The following KCNIP3 variants were observed in gnomAD, a reference collection of about 807,000 sequenced individuals.
The protein encoded by KCNIP3 is potassium voltage-gated channel interacting protein 3, also known as calsenilin.
Under a neutral mutation model 35.0 loss-of-function variants are expected in KCNIP3, and 28 were observed. The ratio of observed to expected loss-of-function variants is 0.80; its 90% CI spans 0.59 to 1.10. The LOEUF (loss-of-function observed/expected upper bound fraction) is 1.10. Among genes scored for constraint, KCNIP3 ranks in the 50% least tolerant of loss-of-function variants. KCNIP3 has a pLI of 0.00. For synonymous variants in KCNIP3, 134 were observed against 133.8 expected, an observed-to-expected ratio of 1.00 and a Z score of -0.01; for missense variants, 295 against 338.4, an observed-to-expected ratio of 0.87 and a Z score of 1.01.
At chr2:95,318,017 G>A (rs559406581) in intron 2 of KCNIP3, among the ~76,000 whole-genome samples, 3 of 151,904 alleles carry the variant, frequency 2.0e-5, no homozygotes, top group South Asian at 2.1e-4. Context: ...GCTTTGGGCC[G>A]GGTCAAGGAT....
intron 1 of KCNIP3, among the ~76,000 whole-genome samples, chr2:95,304,431 G>A (rs934375701): frequency 4.6e-5 from 7 of 152,312 alleles, no homozygotes; most frequent in Admixed American, 3.9e-4. Context: ...CCTTTGTAAA[G>A]AGAATGGCAG....
chr2:95,375,616 C>T (rs900182284), intron 5 of KCNIP3, among the ~76,000 whole-genome samples: 1 of 152,146 alleles, frequency 6.6e-6, no homozygotes, highest in African/African-American at 2.4e-5. Flanking sequence ...AGAAAATAGG[C>T]CAAAAATATC....
At chr2:95,336,261 G>A (rs1679057356) in intron 2 of KCNIP3, among the ~76,000 whole-genome samples, 1 of 152,152 alleles carries the variant, frequency 6.6e-6, no homozygotes, top group African/African-American at 2.4e-5. Flanking sequence ...CATATGCAGA[G>A]GCAACAGCCC....
chr2:95,371,347 A>G (rs1680037785), intron 2 of KCNIP3, among the ~76,000 whole-genome samples: 1 of 152,206 alleles, frequency 6.6e-6, no homozygotes, highest in Non-Finnish European at 1.5e-5. Context: ...TCTCTGACCT[A>G]TGAGCTAATT....
chr2:95,345,784 C>A (rs1209990110), intron 2 of KCNIP3, among the ~76,000 whole-genome samples: 1 of 152,268 alleles, frequency 6.6e-6, no homozygotes, highest in African/African-American at 2.4e-5. Flanking sequence ...CGCCCGGCCA[C>A]GCCTCGTCCT....
intron 1 of KCNIP3, among the ~76,000 whole-genome samples, chr2:95,308,486 A>T (rs2104207115): frequency 6.6e-6 from 1 of 152,290 alleles, no homozygotes; most frequent in African/African-American, 2.4e-5. Context: ...CCAGCTGCCC[A>T]TCCCGAATGT....
intron 2 of KCNIP3, among the ~76,000 whole-genome samples, chr2:95,348,074 GCTGGCCCTTTT>G (rs1369256335): frequency 1.3e-5 from 2 of 152,222 alleles, no homozygotes; most frequent in African/African-American, 4.8e-5. Flanking sequence ...GATGTCCAGG[GCTGGCCCTTTT>G]CCCAAAGTCC....
At chr2:95,361,804 G>A (rs536117622) in intron 2 of KCNIP3, among the ~76,000 whole-genome samples, 27 of 152,184 alleles carry the variant, frequency 1.8e-4, no homozygotes, top group Admixed American at 5.9e-4. Flanking sequence ...GGCTGGGTAC[G>A]GCAGCGAGGA....
chr2:95,325,889 A>G (rs1341424261), intron 2 of KCNIP3, among the ~76,000 whole-genome samples: 2 of 151,170 alleles, frequency 1.3e-5, no homozygotes, highest in Non-Finnish European at 2.9e-5. Flanking sequence ...ACATACACAC[A>G]CTCATAGACA....
At chr2:95,381,480 T>C (rs1358177218) in intron 5 of KCNIP3, 116 bp from the exon 6 acceptor site, 1 of 717,598 alleles carries the variant, frequency 1.4e-6, no homozygotes, top group East Asian at 2.6e-5. Flanking sequence ...CGTCAGTCTC[T>C]TAGGGAGGCT....
chr2:95,337,437 G>T (rs1399633042), intron 2 of KCNIP3, among the ~76,000 whole-genome samples: 1 of 152,044 alleles, frequency 6.6e-6, no homozygotes, highest in African/African-American at 2.4e-5. Context: ...AATGATGTTT[G>T]TATGGTTAAA....
At chr2:95,325,868 CAT>C (rs1382922960) in intron 2 of KCNIP3, among the ~76,000 whole-genome samples, 6 of 150,750 alleles carry the variant, frequency 4.0e-5, no homozygotes, top group East Asian at 2.0e-4. Flanking sequence ...CACAGGCACA[CAT>C]ACACTCAGAC....
chr2:95,325,104 T>C (rs2104233450), intron 2 of KCNIP3, among the ~76,000 whole-genome samples: 1 of 152,154 alleles, frequency 6.6e-6, no homozygotes, highest in South Asian at 2.1e-4. Flanking sequence ...GTGTACTGGC[T>C]GGGCCCCTGC....
chr2:95,375,210 T>C lies in KCNIP3; in HGVS notation c.447+2T>C, dbSNP rs1397170431. On this transcript the variant is annotated splice_donor_variant, in intron 5 of 8. Transcript: ENST00000295225. LOFTEE classifies it high-confidence loss of function. ...GGGAACGGGGCCATCCACTTTGAGG[T>C]AGGTCCTCGCGGATTCCTCCCACGT... 1 of 1,613,896 alleles carries C rather than the reference T, an allele frequency of 6.2e-7. No homozygotes were observed. The highest frequency in any genetic ancestry group is 8.5e-7 in the Non-Finnish European group (1 of 1,179,810).
At chr2:95,329,690 C>T (rs1573494696) in intron 2 of KCNIP3, among the ~76,000 whole-genome samples, 3 of 152,202 alleles carry the variant, frequency 2.0e-5, no homozygotes, top group African/African-American at 7.2e-5. Flanking sequence ...GCTGGCCTGA[C>T]GGGGGTCTGC....
chr2:95,372,023 T>C (rs1680052241), intron 2 of KCNIP3, among the ~76,000 whole-genome samples: 1 of 152,144 alleles, frequency 6.6e-6, no homozygotes, highest in Non-Finnish European at 1.5e-5. Context: ...CAGGCTGGTC[T>C]TGAGCGCCTG....
intron 2 of KCNIP3, among the ~76,000 whole-genome samples, chr2:95,371,870 T>C (rs1680049553): frequency 6.6e-6 from 1 of 151,170 alleles, no homozygotes; most frequent in African/African-American, 2.4e-5. Context: ...AATGGCGCGA[T>C]CTTGGCTCAC....
intron 2 of KCNIP3, among the ~76,000 whole-genome samples, chr2:95,338,633 G>A (rs979618024): frequency 1.3e-5 from 2 of 152,100 alleles, no homozygotes; most frequent in Non-Finnish European, 2.9e-5. Flanking sequence ...GAACACTGTC[G>A]CCCCCAATGA....
At chr2:95,324,975 C>A (rs1244601883) in intron 2 of KCNIP3, among the ~76,000 whole-genome samples, 2 of 152,178 alleles carry the variant, frequency 1.3e-5, no homozygotes, top group Non-Finnish European at 2.9e-5. Flanking sequence ...ATGCAAAAAG[C>A]CCAGGACCAC....
Sources: gnomAD v4.1 joint callset for allele counts (sites outside exome capture counted in the v4.1 genomes callset) on GRCh38, gnomAD v4.1.1 for gene constraint, MANE v1.5 for transcripts, NCBI Gene and HGNC (gene_info 2026-07-23, HGNC 2026-07-21) for gene names.